CCDC144A: variants seen among roughly 807,000 people sequenced by gnomAD.
CCDC144A encodes coiled-coil domain containing 144A, also known as coiled-coil domain-containing protein 144A.
A neutral mutation model predicts 143.8 loss-of-function variants in CCDC144A; 41 were observed. That is an observed-to-expected ratio of 0.29 (90% CI 0.22 to 0.37). CCDC144A has a LOEUF of 0.37. Ranked by LOEUF, CCDC144A falls within the 10% of genes least tolerant of loss-of-function variation. The pLI is 1.00. For missense variants in CCDC144A, 637 were observed against 1,488.8 expected (o/e 0.43, Z 9.41); for synonymous variants, 242 against 517.9 (o/e 0.47, Z 7.23).
rs753431696 is a variant in CCDC144A, at chr17:16,732,578, A to G, written c.2330A>G (p.Glu777Gly). The change falls in exon 11 of 17, where the codon GAA (glutamate) becomes GGA (glycine). Residue 777 changes from glutamate (E) to glycine (G), a missense_variant. Coordinates refer to ENST00000399273, the MANE Select transcript of CCDC144A (RefSeq NM_001382000.1). The stretch of plus-strand genomic sequence containing the variant: ...AACGATGCCCAGAAGCAACTTTCTG[A>G]AGAACAGGATGCCAGAATATTACAA... Reference protein sequence around the residue: ...ERNDAQKQLSEEQDARILQDQ... With the variant: ...ERNDAQKQLSGEQDARILQDQ... 7.7e-5 allele frequency: 124 copies of G among 1,610,256 alleles called. No homozygotes were observed. Among genetic ancestry groups the G allele is most frequent in the Middle Eastern group, 5.0e-4 (3 of 6,044 alleles).
intron 12 of CCDC144A, among the ~76,000 whole-genome samples, chr17:16,759,861 T>G (rs1440074848): frequency 6.6e-6 from 1 of 152,236 alleles, no homozygotes; most frequent in Non-Finnish European, 1.5e-5. Flanking sequence ...CAACATCTAT[T>G]TTGTTCACAA....
chr17:16,748,501 A>G (rs949267161), intron 12 of CCDC144A, among the ~76,000 whole-genome samples: 2 of 152,120 alleles, frequency 1.3e-5, no homozygotes, highest in Admixed American at 1.3e-4. Flanking sequence ...CTGATATTTT[A>G]TTGAAGACTT....
chr17:16,767,598 C>T (rs538250040), intron 15 of CCDC144A, among the ~76,000 whole-genome samples: 202 of 152,218 alleles, frequency 1.3e-3, no homozygotes, highest in African/African-American at 4.8e-3. Flanking sequence ...CTACGATTTT[C>T]AAAAGCAAAA....
chr17:16,695,161 ATTTAAC>A (rs1274860624), intron 2 of CCDC144A: 1 of 152,262 alleles, frequency 6.6e-6, no homozygotes, highest in African/African-American at 2.4e-5. Context: ...AGCTTTCTCT[ATTTAAC>A]TTCTGTGTTT....
chr17:16,684,612 C>T (rs1294514844), upstream of CCDC144A, among the ~76,000 whole-genome samples: 1 of 151,412 alleles, frequency 6.6e-6, no homozygotes, highest in African/African-American at 2.4e-5. Context: ...TGAGATCACG[C>T]CAGTGCACTC....
At chr17:16,719,887 C>T (rs1172969324) in intron 6 of CCDC144A, among the ~76,000 whole-genome samples, 3 of 152,086 alleles carry the variant, frequency 2.0e-5, no homozygotes, top group Non-Finnish European at 4.4e-5. Context: ...ATTTTTATCA[C>T]GTAATGCAGG....
chr17:16,678,143 T>A, the CCDC144A span, among the ~76,000 whole-genome samples: 1 of 152,016 alleles, frequency 6.6e-6, no homozygotes. Context: ...TCATAATTTA[T>A]CCCCAAAGCA....
chr17:16,678,534 C>T, the CCDC144A span, among the ~76,000 whole-genome samples: 2 of 151,718 alleles, frequency 1.3e-5, no homozygotes, highest in Non-Finnish European at 2.9e-5. Context: ...AAGGGGGAAA[C>T]AGAACTGAAT....
chr17:16,696,406 C>T (rs1190922512), intron 2 of CCDC144A, among the ~76,000 whole-genome samples: 2 of 150,916 alleles, frequency 1.3e-5, no homozygotes, highest in Non-Finnish European at 3.0e-5. Flanking sequence ...CCAAGGAGGG[C>T]AGATCACAAG....
the CCDC144A span, among the ~76,000 whole-genome samples, chr17:16,682,883 G>GTTTTTT: frequency 1.7e-4 from 8 of 46,456 alleles, 4 homozygotes; most frequent in South Asian, 1.8e-3. Context: ...TGGATTCTCT[G>GTTTTTT]TTTTTTTTTT....
At position 16,746,664 on chromosome 17, in the gene CCDC144A, C is replaced by T. The variant is rs537205219; in HGVS notation, c.3372+11021C>T. The stretch of plus-strand genomic sequence containing the variant: ...AGATGAGGATAAAGACTCAGGTCGG[C>T]GGCGAAGAACTCGAAGTAGTCGTGT... On this transcript the variant is annotated intron_variant, in intron 12 of 16. Transcript: ENST00000399273. The T allele has an allele frequency of 3.8e-4, 611 of 1,612,126 alleles. 2 individuals carry two copies. The African/African-American group carries it at 7.5e-3, about 20-fold the overall frequency.
intron 12 of CCDC144A, among the ~76,000 whole-genome samples, chr17:16,753,428 G>GTTTTTTTTTT: frequency 4.5e-3 from 256 of 57,340 alleles, no homozygotes; most frequent in Middle Eastern, 0.021. Context: ...GTGTTTTGTA[G>GTTTTTTTTTT]TTTTTTTTTT....
chr17:16,735,758 A>G, intron 12 of CCDC144A, 115 bp downstream of exon 12: 1 of 927,980 alleles, frequency 1.1e-6, no homozygotes, highest in South Asian at 1.8e-5. Context: ...TAGATCATAA[A>G]TGTACTTGCT....
chr17:16,689,065 T>G (rs558243506), upstream of CCDC144A, among the ~76,000 whole-genome samples: 1,661 of 152,280 alleles, frequency 0.011, 35 homozygotes, highest in African/African-American at 0.038. Flanking sequence ...TTCATAATGC[T>G]ATCTGTCTTA....
chr17:16,758,382 C>T (rs935306483), intron 12 of CCDC144A, among the ~76,000 whole-genome samples: 3 of 152,224 alleles, frequency 2.0e-5, no homozygotes, highest in East Asian at 1.9e-4. Context: ...TTATCACAGA[C>T]GGTAGGGATG....
chr17:16,725,640 G>A (rs1266423904), intron 8 of CCDC144A, among the ~76,000 whole-genome samples: 6 of 151,544 alleles, frequency 4.0e-5, no homozygotes, highest in African/African-American at 1.5e-4. Flanking sequence ...GAGTGGGAGG[G>A]GGGTGAGGGA....
intron 12 of CCDC144A, among the ~76,000 whole-genome samples, chr17:16,752,278 T>C (rs1210719064): frequency 6.6e-6 from 1 of 152,208 alleles, no homozygotes; most frequent in Non-Finnish European, 1.5e-5. Context: ...ATCTAATGCC[T>C]GACGATCTGA....
intron 11 of CCDC144A, 39 bp downstream of exon 11, chr17:16,732,705 T>C (rs1200519493): frequency 6.7e-7 from 1 of 1,491,404 alleles, no homozygotes. Context: ...TTTTTGTATG[T>C]GAATATATTT....
At chr17:16,669,199 GAGAA>G in the CCDC144A span, among the ~76,000 whole-genome samples, 5 of 152,132 alleles carry the variant, frequency 3.3e-5, no homozygotes, top group Non-Finnish European at 7.4e-5. Context: ...TGCGACATTT[GAGAA>G]AGATTTTGCA....
Sources: allele counts gnomAD v4.1 joint callset (sites outside exome capture counted in the v4.1 genomes callset), GRCh38; gene constraint gnomAD v4.1.1; transcripts MANE v1.5; gene names NCBI Gene and HGNC (gene_info 2026-07-23, HGNC 2026-07-21).